Variants in MALRD1 observed in about 807,000 individuals in gnomAD.
MALRD1 encodes MAM and LDL receptor class A domain containing 1, also known as MAM and LDL-receptor class A domain-containing protein 1.
A neutral mutation model predicts 242.1 loss-of-function variants in MALRD1; 247 were observed. The observed-to-expected ratio is 1.02, with a 90% CI of 0.92 to 1.13. The LOEUF is 1.13. Ranked by LOEUF, MALRD1 falls within the 50% of genes most tolerant of loss-of-function variation. The pLI, the probability that MALRD1 is intolerant of heterozygous loss-of-function variation, is 0.00. For synonymous variants in MALRD1, 995 were observed against 866.6 expected, an observed-to-expected ratio of 1.15 and a Z score of -2.60; for missense variants, 2,989 against 2,533.1, an observed-to-expected ratio of 1.18 and a Z score of -3.86.
At chr10:19,102,517 A>G (rs1220117231) in intron 4 of MALRD1, among the ~76,000 whole-genome samples, 2 of 152,176 alleles carry the variant, frequency 1.3e-5, no homozygotes, top group African/African-American at 4.8e-5. Flanking sequence ...AATTTCCCAT[A>G]GAAAAATGAT....
intron 28 of MALRD1, among the ~76,000 whole-genome samples, chr10:19,392,242 A>G (rs1011090604): frequency 6.6e-6 from 1 of 152,126 alleles, no homozygotes; most frequent in African/African-American, 2.4e-5. Context: ...GGGGTAGAGG[A>G]GTCACAGAAA....
chr10:19,490,406 T>G (rs1837430346), intron 29 of MALRD1, among the ~76,000 whole-genome samples: 1 of 151,012 alleles, frequency 6.6e-6, no homozygotes, highest in African/African-American at 2.4e-5. Flanking sequence ...TGGAACAATG[T>G]TTTCTGCACA....
chr10:19,278,753 G>A (rs558209331), intron 19 of MALRD1, among the ~76,000 whole-genome samples: 1 of 152,180 alleles, frequency 6.6e-6, no homozygotes, highest in Non-Finnish European at 1.5e-5. Flanking sequence ...AAATGCACGA[G>A]GAGAGAAGGA....
chr10:19,200,767 C>T (rs554776743), intron 14 of MALRD1, among the ~76,000 whole-genome samples: 27 of 149,818 alleles, frequency 1.8e-4, no homozygotes, highest in South Asian at 6.5e-4. Flanking sequence ...TATCCCCTGA[C>T]GCCTTTTCTC....
chr10:19,315,692 ATATATAATACATATTTAAT>A (rs915930664), intron 21 of MALRD1, among the ~76,000 whole-genome samples: 1 of 133,928 alleles, frequency 7.5e-6, no homozygotes, highest in African/African-American at 2.8e-5. Flanking sequence ...ATATATAATT[ATATATAATACATATTTAAT>A]TATATATTGC....
In MALRD1 at chr10:19,230,388, A is replaced by G. The variant is rs550690429; in HGVS notation, c.2991+20708A>G. Among the ~76,000 whole-genome samples, 130 of 152,060 alleles carry G rather than the reference A, an allele frequency of 8.5e-4. 1 individual carries two copies. Among genetic ancestry groups the G allele is most frequent in the African/African-American group, 2.8e-3 (115 of 41,438 alleles). Reference sequence around the variant, plus strand: ...AAGCATAGTACTGGCACCTGCTTCCAGGGGGGGCCTCAGGAAGCTTCCAAT... The same window carrying G: ...AAGCATAGTACTGGCACCTGCTTCCGGGGGGGGCCTCAGGAAGCTTCCAAT... On this transcript the variant is annotated intron_variant, in intron 18 of 39. Coordinates refer to ENST00000454679, the MANE Select transcript of MALRD1 (RefSeq NM_001142308.3).
intron 38 of MALRD1, among the ~76,000 whole-genome samples, chr10:19,713,102 G>T (rs959794592): frequency 8.6e-5 from 13 of 151,964 alleles, no homozygotes; most frequent in Admixed American, 8.5e-4. Context: ...TCTGTACAGG[G>T]GAGCTTCTTT....
intron 2 of MALRD1, among the ~76,000 whole-genome samples, chr10:19,087,552 T>C (rs1218264646): frequency 6.6e-6 from 1 of 151,960 alleles, no homozygotes; most frequent in Non-Finnish European, 1.5e-5. Flanking sequence ...GTTTCTTTTT[T>C]TTTTTTTTAA....
At chr10:19,148,448 T>G (rs1293984443) in intron 11 of MALRD1, among the ~76,000 whole-genome samples, 1 of 152,078 alleles carries the variant, frequency 6.6e-6, no homozygotes, top group Non-Finnish European at 1.5e-5. Context: ...GGTTTTTCCA[T>G]GTAGTAAGAT....
intron 14 of MALRD1, among the ~76,000 whole-genome samples, chr10:19,190,250 G>A (rs1835913378): frequency 6.6e-6 from 1 of 151,908 alleles, no homozygotes; most frequent in Admixed American, 6.6e-5. Flanking sequence ...AATCAAGATG[G>A]TGAAAGACTT....
chr10:19,653,787 T>C (rs1564518076), intron 36 of MALRD1, among the ~76,000 whole-genome samples: 1 of 152,154 alleles, frequency 6.6e-6, no homozygotes, highest in Admixed American at 6.5e-5. Context: ...AGTTATTCTT[T>C]GGTGGTCCAT....
intron 14 of MALRD1, among the ~76,000 whole-genome samples, chr10:19,189,838 A>C (rs187050033): frequency 2.4e-4 from 36 of 152,298 alleles, no homozygotes; most frequent in African/African-American, 8.4e-4. Context: ...CCATGTATGA[A>C]AAACTCACAG....
At chr10:19,165,937 C>A (rs985149641) in intron 13 of MALRD1, 127 bp downstream of exon 13, 18 of 583,866 alleles carry the variant, frequency 3.1e-5, no homozygotes, top group Non-Finnish European at 4.3e-5. Flanking sequence ...TAATACAATG[C>A]AACAGAAGAC....
intron 18 of MALRD1, among the ~76,000 whole-genome samples, chr10:19,225,463 G>C (rs1002994167): frequency 6.6e-6 from 1 of 151,836 alleles, no homozygotes; most frequent in Non-Finnish European, 1.5e-5. Flanking sequence ...TTAAATCAAC[G>C]TTTCTATTCA....
At chr10:19,067,667 C>A (rs368921908) in intron 2 of MALRD1, among the ~76,000 whole-genome samples, 4 of 152,012 alleles carry the variant, frequency 2.6e-5, no homozygotes, top group Non-Finnish European at 5.9e-5. Flanking sequence ...GTCTGTCCCT[C>A]CCTAGCTGTA....
intron 4 of MALRD1, among the ~76,000 whole-genome samples, chr10:19,103,245 C>T (rs923750425): frequency 6.6e-5 from 10 of 151,926 alleles, no homozygotes; most frequent in African/African-American, 1.7e-4. Flanking sequence ...ATGAGGATGA[C>T]ATCTAAGGCA....
rs961469418 is a variant in MALRD1, at chr10:19,104,042, A to G, written c.661A>G (p.Ile221Val). 8.1e-6 allele frequency: 10 copies of G among 1,233,808 alleles called. No homozygotes were observed. Among genetic ancestry groups the G allele is most frequent in the Non-Finnish European group, 1.0e-5 (10 of 988,092 alleles). 76.4% of individuals were successfully genotyped at this position (1,233,808 alleles called of 1,614,324 possible). A position where few individuals can be genotyped will look rare whatever the true frequency, so the allele number is the denominator to read the frequency against. ...GGATGAAGTCATTGCTATTGATGAT[A>G]TATCTTTCAGTTCAGGCTGCTTGCC... is the stretch of plus-strand genomic sequence containing the variant. ...EQDEVIAIDDISFSSGCLPAN... is the reference protein window; with the variant it reads ...EQDEVIAIDDVSFSSGCLPAN... Residue 221 changes from isoleucine to valine, a missense_variant, in exon 5 of 40, where the codon ATA becomes GTA. Physicochemically the swap from Ile to Val is conservative, Grantham distance 29 (BLOSUM62 3). Coordinates refer to ENST00000454679, the MANE Select transcript of MALRD1 (RefSeq NM_001142308.3).
Position 19,124,631 on chromosome 10 carries a change from G to A in MALRD1, c.904G>A (p.Glu302Lys). ...AAAAGCGAGAGAGATCCCTGCATTC[G>A]AATCCACACCTCAGCAGGATCAAGG... Reference protein sequence around the residue: ...RTKAREIPAFESTPQQDQGGD... With the variant: ...RTKAREIPAFKSTPQQDQGGD... Residue 302 changes from glutamate (E) to lysine (K), a missense_variant, in exon 7 of 40, where the codon GAA becomes AAA. Transcript: ENST00000454679. 3.2e-6 allele frequency: 4 copies of A among 1,233,566 alleles called. No homozygotes were observed. Among genetic ancestry groups the A allele is most frequent in the East Asian group, 3.2e-5 (1 of 31,670 alleles). 76.4% of individuals were successfully genotyped at this position (1,233,566 alleles called of 1,614,324 possible). A position where few individuals can be genotyped will look rare whatever the true frequency, so the allele number is the denominator to read the frequency against.
chr10:19,050,915 A>G (rs779269660), intron 1 of MALRD1, among the ~76,000 whole-genome samples: 18 of 152,236 alleles, frequency 1.2e-4, no homozygotes, highest in Non-Finnish European at 2.4e-4. Context: ...AAGCTGCTGA[A>G]TAGGAAAGGT....
Sources: allele counts gnomAD v4.1 joint callset (sites outside exome capture counted in the v4.1 genomes callset), GRCh38; gene constraint gnomAD v4.1.1; transcripts MANE v1.5; gene names NCBI Gene and HGNC (gene_info 2026-07-23, HGNC 2026-07-21).